The following SSH2 variants were observed in gnomAD, a reference collection of about 807,000 sequenced individuals.
The protein encoded by SSH2 is slingshot protein phosphatase 2.
In SSH2, 37 loss-of-function variants were observed where a neutral mutation model predicts 135.2. That is an observed-to-expected ratio of 0.27 (90% CI 0.21 to 0.36). The LOEUF is 0.36. SSH2 is among the 10% of genes least tolerant of loss of function. The probability of loss-of-function intolerance (pLI) is 1.00; values close to 1 mark genes in which losing one functional copy is unlikely to be tolerated. For missense variants in SSH2, 1,408 were observed against 1,765.3 expected (o/e 0.80, Z 3.63); for synonymous variants, 628 against 646.2 (o/e 0.97, Z 0.43).
chr17:29,633,826 A>G (rs577492333), intron 15 of SSH2, among the ~76,000 whole-genome samples: 1 of 152,380 alleles, frequency 6.6e-6, no homozygotes, highest in Non-Finnish European at 1.5e-5. Context: ...CATTATGAGT[A>G]TCAATCTAGT....
chr17:29,703,645 G>A (rs1221547267), intron 3 of SSH2, among the ~76,000 whole-genome samples: 3 of 102,632 alleles, frequency 2.9e-5, no homozygotes, highest in African/African-American at 1.2e-4. Context: ...GTGCGATCTC[G>A]GCTCACTGCA....
At chr17:29,727,789 C>T (rs542465664) in intron 3 of SSH2, among the ~76,000 whole-genome samples, 2 of 152,292 alleles carry the variant, frequency 1.3e-5, no homozygotes, top group Admixed American at 6.5e-5. Flanking sequence ...CCCACTTTTA[C>T]CACTGTTATT....
At chr17:29,772,521 A>G (rs1001274854) in intron 3 of SSH2, among the ~76,000 whole-genome samples, 5 of 152,154 alleles carry the variant, frequency 3.3e-5, no homozygotes, top group African/African-American at 9.7e-5. Flanking sequence ...TTAGGTATCA[A>G]TGTAACTGGA....
At chr17:29,750,993 T>C (rs1001978627) in intron 3 of SSH2, among the ~76,000 whole-genome samples, 1 of 152,208 alleles carries the variant, frequency 6.6e-6, no homozygotes, top group Admixed American at 6.5e-5. Flanking sequence ...CTTGCCACAC[T>C]GGAAGGTCTT....
intron 3 of SSH2, among the ~76,000 whole-genome samples, chr17:29,729,155 C>G (rs145620671): frequency 6.6e-6 from 1 of 152,084 alleles, no homozygotes; most frequent in Non-Finnish European, 1.5e-5. Flanking sequence ...GGATTGATAA[C>G]CAGATTAATA....
chr17:29,738,182 G>A (rs551770915), intron 3 of SSH2, among the ~76,000 whole-genome samples: 2 of 152,280 alleles, frequency 1.3e-5, no homozygotes, highest in East Asian at 3.9e-4. Context: ...GCAGTGTTTG[G>A]TTTTCTGTCC....
intron 14 of SSH2, chr17:29,645,139 A>G (rs1444659620): frequency 6.6e-6 from 1 of 152,216 alleles, no homozygotes; most frequent in East Asian, 1.9e-4. Flanking sequence ...ACTCTCAACA[A>G]TACGTAATAA....
chr17:29,671,160 T>C (rs984594127), intron 9 of SSH2, among the ~76,000 whole-genome samples: 1 of 152,018 alleles, frequency 6.6e-6, no homozygotes, highest in African/African-American at 2.4e-5. Context: ...ATCTGAATGA[T>C]AAAATATTTA....
intron 1 of SSH2, among the ~76,000 whole-genome samples, chr17:29,884,582 G>A (rs549418133): frequency 1.4e-4 from 22 of 152,208 alleles, no homozygotes; most frequent in Admixed American, 1.4e-3. Flanking sequence ...TATTCCACAG[G>A]ATTACATACC....
At chr17:29,698,670 T>C (rs2038861461) in intron 4 of SSH2, among the ~76,000 whole-genome samples, 1 of 152,064 alleles carries the variant, frequency 6.6e-6, no homozygotes, top group Admixed American at 6.6e-5. Flanking sequence ...TAATTTTTTG[T>C]ATTTTTTGTA....
At chr17:29,869,427 T>C (rs2065905436) in intron 1 of SSH2, among the ~76,000 whole-genome samples, 1 of 152,164 alleles carries the variant, frequency 6.6e-6, no homozygotes, top group Non-Finnish European at 1.5e-5. Context: ...CACAAGGCTG[T>C]CCCCTTGTAG....
intron 2 of SSH2, chr17:29,839,042 T>A (rs1240576395): frequency 6.6e-6 from 1 of 152,288 alleles, no homozygotes; most frequent in Non-Finnish European, 1.5e-5. Flanking sequence ...TCTTTAGGGA[T>A]CTGTGGTTCC....
Position 29,816,496 on chromosome 17 carries a change from T to C in SSH2, c.145-22559A>G, listed in dbSNP as rs1185985591. ...AGGATTGTTGTATGTAACTTTAAAA[T>C]CAAGCCTGTGTTTAATTAATATTGA... is the stretch of plus-strand genomic sequence containing the variant. On this transcript the variant is annotated intron_variant, in intron 2 of 15. Transcript: ENST00000540801. Among the ~76,000 whole-genome samples, 8 of 152,166 alleles carry C rather than the reference T, an allele frequency of 5.3e-5. No individual in the cohort carries two copies. In the East Asian group the frequency reaches 1.5e-3, roughly 29 times the overall value.
At chr17:29,759,807 C>A (rs930753287) in intron 3 of SSH2, among the ~76,000 whole-genome samples, 2 of 152,184 alleles carry the variant, frequency 1.3e-5, no homozygotes, top group South Asian at 2.1e-4. Flanking sequence ...TTTTGTTAAT[C>A]CATTCATCCA....
chr17:29,642,574 C>T (rs999518576), intron 14 of SSH2, among the ~76,000 whole-genome samples: 7 of 151,840 alleles, frequency 4.6e-5, no homozygotes, highest in Non-Finnish European at 7.4e-5. Flanking sequence ...CACCACCCCC[C>T]CCACCGCCTC....
intron 3 of SSH2, chr17:29,777,807 A>AAC (rs2041740337): frequency 6.5e-6 from 1 of 152,714 alleles, no homozygotes; most frequent in Non-Finnish European, 1.5e-5. Flanking sequence ...AAAAAAAAAA[A>AAC]AAAAAAAACC....
chr17:29,848,389 C>G (rs1045276075), intron 2 of SSH2, among the ~76,000 whole-genome samples: 2 of 152,148 alleles, frequency 1.3e-5, no homozygotes, highest in African/African-American at 4.8e-5. Flanking sequence ...GATTATAACA[C>G]TATTTGGCTT....
At chr17:29,782,996 C>T (rs2041873173) in intron 3 of SSH2, among the ~76,000 whole-genome samples, 1 of 152,168 alleles carries the variant, frequency 6.6e-6, no homozygotes, top group African/African-American at 2.4e-5. Flanking sequence ...GCTGTGATTA[C>T]AGGCATGAGC....
At chr17:29,800,511 CCAGT>C (rs1166229122) in intron 2 of SSH2, among the ~76,000 whole-genome samples, 2 of 152,194 alleles carry the variant, frequency 1.3e-5, no homozygotes, top group South Asian at 2.1e-4. Flanking sequence ...CTGAAAAATG[CCAGT>C]CAATCTCTTC....
Sources: allele counts gnomAD v4.1 joint callset (sites outside exome capture counted in the v4.1 genomes callset), GRCh38; gene constraint gnomAD v4.1.1; transcripts MANE v1.5; gene names NCBI Gene and HGNC (gene_info 2026-07-23, HGNC 2026-07-21).